Variants in GRK5 observed in about 807,000 individuals in gnomAD.
GRK5 encodes the protein G protein-coupled receptor kinase 5.
A neutral mutation model predicts 78.4 loss-of-function variants in GRK5; 40 were observed. The ratio of observed to expected loss-of-function variants is 0.51; its 90% CI spans 0.40 to 0.66. The LOEUF is 0.66. Among genes scored for constraint, GRK5 ranks in the 30% least tolerant of loss-of-function variants. GRK5 has a pLI of 0.00. For synonymous variants in GRK5, 289 were observed against 296.8 expected, an observed-to-expected ratio of 0.97 and a Z score of 0.27; for missense variants, 598 against 759.9, an observed-to-expected ratio of 0.79 and a Z score of 2.50.
At chr10:119,279,964 C>T in intron 1 of GRK5, among the ~76,000 whole-genome samples, 1 of 152,160 alleles carries the variant, frequency 6.6e-6, no homozygotes, top group East Asian at 1.9e-4. Context: ...TGGCTCTTTT[C>T]ATCCTTGAAT....
intron 1 of GRK5, among the ~76,000 whole-genome samples, chr10:119,305,897 C>G (rs771543032): frequency 6.6e-6 from 1 of 152,168 alleles, no homozygotes; most frequent in African/African-American, 2.4e-5. Context: ...GAGGAAATGA[C>G]ATATGCAAAG....
At chr10:119,434,524 A>G (rs1852882978) in intron 8 of GRK5, among the ~76,000 whole-genome samples, 1 of 152,260 alleles carries the variant, frequency 6.6e-6, no homozygotes, top group African/African-American at 2.4e-5. Context: ...CCAGCAGGGC[A>G]GTCAAATCTT....
chr10:119,294,819 A>G (rs992002643), intron 1 of GRK5, among the ~76,000 whole-genome samples: 4 of 152,184 alleles, frequency 2.6e-5, no homozygotes, highest in Non-Finnish European at 4.4e-5. Flanking sequence ...TTGCTCTCCA[A>G]TGGCAGAACA....
chr10:119,452,100 G>T lies in GRK5; in HGVS notation c.1405-571G>T, dbSNP rs987030797. 1.3e-5 allele frequency among the ~76,000 whole-genome samples: 2 copies of T among 152,208 alleles called. No individual in the cohort carries two copies. The highest frequency in any genetic ancestry group is 4.8e-5 in the African/African-American group (2 of 41,458). On this transcript the variant is annotated intron_variant, in intron 13 of 15. Transcript: ENST00000392870. This position sits in a 1 kb window ranked among gnomAD's most constrained non-coding sequence, Gnocchi z 4.4. ...CAGCTGAGGGACGAGTAAGGCAAAA[G>T]ATATGCCTACCATAATAATACCAGC...
At chr10:119,240,327 A>T (rs1849004160) in intron 1 of GRK5, among the ~76,000 whole-genome samples, 1 of 149,268 alleles carries the variant, frequency 6.7e-6, no homozygotes, top group South Asian at 2.1e-4. Flanking sequence ...CAGCCTCCTG[A>T]GTAGCTGGGA....
At position 119,263,404 on chromosome 10, in the gene GRK5, C is replaced by T. The variant is rs572443158; in HGVS notation, c.52+55435C>T. On this transcript the variant is annotated intron_variant, in intron 1 of 15. Transcript: ENST00000392870. ...TAACAGACTTTGGTTAATATTTAAG[C>T]ATGGAATCTCACTTGTGTGTGTGTG... 1.4e-4 allele frequency among the ~76,000 whole-genome samples: 22 copies of T among 152,250 alleles called. No individual in the cohort carries two copies. In the Middle Eastern group the frequency reaches 0.014, roughly 94 times the overall value.
At chr10:119,444,748 G>A (rs1025543235) in intron 12 of GRK5, among the ~76,000 whole-genome samples, 1 of 152,172 alleles carries the variant, frequency 6.6e-6, no homozygotes, top group Non-Finnish European at 1.5e-5. Flanking sequence ...AGCCACAGAT[G>A]GGCAAACCGA....
chr10:119,303,027 G>A (rs1400698171), intron 1 of GRK5, among the ~76,000 whole-genome samples: 3 of 152,180 alleles, frequency 2.0e-5, no homozygotes, highest in Non-Finnish European at 4.4e-5. Flanking sequence ...GGGACCTCAA[G>A]GCTCAGAGAG....
At chr10:119,256,186 C>CCT (rs1849280426) in intron 1 of GRK5, among the ~76,000 whole-genome samples, 1 of 152,118 alleles carries the variant, frequency 6.6e-6, no homozygotes, top group Non-Finnish European at 1.5e-5. Flanking sequence ...CCAGAGCCAC[C>CCT]CTCTCGCTGC....
chr10:119,281,518 C>A (rs531557021), intron 1 of GRK5, among the ~76,000 whole-genome samples: 1 of 152,200 alleles, frequency 6.6e-6, no homozygotes, highest in East Asian at 1.9e-4. Flanking sequence ...TGCTTGTATG[C>A]GGATGCTTGT....
intron 1 of GRK5, among the ~76,000 whole-genome samples, chr10:119,321,875 C>T (rs1266370461): frequency 2.6e-5 from 4 of 152,128 alleles, no homozygotes; most frequent in African/African-American, 9.7e-5. Context: ...TCCAACCCCA[C>T]CACAGCTGCC....
chr10:119,421,365 C>T (rs578042338), intron 4 of GRK5, among the ~76,000 whole-genome samples: 3 of 152,206 alleles, frequency 2.0e-5, no homozygotes, highest in African/African-American at 4.8e-5. Flanking sequence ...CCCCAGTTGT[C>T]GACTCCCAAA....
At chr10:119,285,767 G>A (rs956000871) in intron 1 of GRK5, among the ~76,000 whole-genome samples, 7 of 152,168 alleles carry the variant, frequency 4.6e-5, no homozygotes, top group African/African-American at 1.2e-4. Flanking sequence ...AGCCATATCC[G>A]TGGAGGTAGG....
chr10:119,426,483 T>C (rs1049128772), intron 6 of GRK5, among the ~76,000 whole-genome samples: 12 of 151,952 alleles, frequency 7.9e-5, no homozygotes, highest in African/African-American at 2.9e-4. Context: ...TCAGAAAGGG[T>C]CACTCACGAC....
intron 3 of GRK5, among the ~76,000 whole-genome samples, chr10:119,385,523 G>C (rs1589777851): frequency 6.6e-6 from 1 of 152,220 alleles, no homozygotes; most frequent in Non-Finnish European, 1.5e-5. Context: ...CTAGGAGGCT[G>C]TTGCAGCAGT....
intron 2 of GRK5, among the ~76,000 whole-genome samples, chr10:119,355,698 T>G (rs1205051734): frequency 6.6e-6 from 1 of 152,188 alleles, no homozygotes; most frequent in African/African-American, 2.4e-5. Context: ...GAGAATTGCT[T>G]GAATCTGGGA....
chr10:119,453,024 C>T, intron 14 of GRK5, 121 bp from the exon 15 acceptor site: 1 of 864,742 alleles, frequency 1.2e-6, no homozygotes, highest in East Asian at 2.4e-5. Context: ...GCCCCTGAGA[C>T]CTGGAGGGCG....
intron 1 of GRK5, among the ~76,000 whole-genome samples, chr10:119,314,144 G>A (rs551172289): frequency 2.6e-5 from 4 of 152,344 alleles, no homozygotes; most frequent in African/African-American, 4.8e-5. Context: ...ATGATGCCCC[G>A]GTTCGCATCT....
intron 3 of GRK5, among the ~76,000 whole-genome samples, chr10:119,386,087 G>C (rs1038360388): frequency 1.3e-5 from 2 of 152,178 alleles, no homozygotes; most frequent in African/African-American, 4.8e-5. Flanking sequence ...GTTTTGCCAT[G>C]TTGCCATGGC....
Sources: allele counts gnomAD v4.1 joint callset (sites outside exome capture counted in the v4.1 genomes callset), GRCh38; gene constraint gnomAD v4.1.1; non-coding constraint Gnocchi (gnomAD v3.1); transcripts MANE v1.5; gene names NCBI Gene and HGNC (gene_info 2026-07-23, HGNC 2026-07-21).